The following ASB15 variants were observed in gnomAD, a reference collection of about 807,000 sequenced individuals.
The protein encoded by ASB15 is ankyrin repeat and SOCS box protein 15.
Under a neutral mutation model 58.0 loss-of-function variants are expected in ASB15, and 54 were observed. That is an observed-to-expected ratio of 0.93 (90% CI 0.75 to 1.17). ASB15 has a LOEUF of 1.17. Among genes scored for constraint, ASB15 ranks in the 50% most tolerant of loss-of-function variants. The probability of loss-of-function intolerance (pLI) is 0.00; values close to 1 mark genes in which losing one functional copy is unlikely to be tolerated. For synonymous variants in ASB15, 249 were observed against 262.4 expected, an observed-to-expected ratio of 0.95 and a Z score of 0.50; for missense variants, 680 against 707.4, an observed-to-expected ratio of 0.96 and a Z score of 0.44.
At chr7:123,569,577 G>A (rs1798851114) in intron 1 of ASB15, among the ~76,000 whole-genome samples, 1 of 152,230 alleles carries the variant, frequency 6.6e-6, no homozygotes, top group African/African-American at 2.4e-5. Flanking sequence ...CAGTGCATCT[G>A]CTGTCAGCCC....
chr7:123,580,846 T>C (rs1384429561), intron 1 of ASB15, among the ~76,000 whole-genome samples: 1 of 152,026 alleles, frequency 6.6e-6, no homozygotes, highest in Non-Finnish European at 1.5e-5. Context: ...ATAATTATTA[T>C]ACCGCAAACC....
Position 123,638,173 on chromosome 7 carries a change from T to G in ASB15, c.*1192T>G, listed in dbSNP as rs1802517550. On this transcript the variant is annotated 3_prime_UTR_variant, in exon 12 of 12. Transcript: ENST00000451215. ...CTGTCTTGCCCTGTCCCAAACACTT[T>G]CTACATACAGCATCTCAGAAGAGTC... 1 of 152,146 alleles carries G rather than the reference T, an allele frequency of 6.6e-6. No homozygotes were observed. The highest frequency in any genetic ancestry group is 1.5e-5 in the Non-Finnish European group (1 of 68,054). 9.4% of individuals were successfully genotyped at this position (152,146 alleles called of 1,614,324 possible).
At chr7:123,625,052 G>C (rs569273209) in intron 8 of ASB15, 3 of 486,588 alleles carry the variant, frequency 6.2e-6, no homozygotes, top group South Asian at 2.3e-5. Flanking sequence ...TTGCTCTCTC[G>C]AGAGACAGTT....
At chr7:123,630,198 C>A in intron 11 of ASB15, 79 bp downstream of exon 11, 1 of 1,102,366 alleles carries the variant, frequency 9.1e-7, no homozygotes, top group Non-Finnish European at 1.3e-6. Flanking sequence ...TTCTTTGATA[C>A]TTTTCCTATG....
intron 1 of ASB15, among the ~76,000 whole-genome samples, chr7:123,587,719 T>G (rs1311393902): frequency 6.6e-6 from 1 of 151,780 alleles, no homozygotes; most frequent in Non-Finnish European, 1.5e-5. Context: ...TTTCTATACC[T>G]AATTAGCTGA....
chr7:123,632,770 A>C (rs1802190390), intron 11 of ASB15, among the ~76,000 whole-genome samples: 1 of 152,204 alleles, frequency 6.6e-6, no homozygotes, highest in Non-Finnish European at 1.5e-5. Context: ...GAACATAAGA[A>C]ATACAAAAAA....
chr7:123,604,978 C>T (rs1800071398), intron 2 of ASB15, among the ~76,000 whole-genome samples: 2 of 152,034 alleles, frequency 1.3e-5, no homozygotes, highest in South Asian at 2.1e-4. Context: ...AAGGTTCAAC[C>T]GTTATATTCA....
chr7:123,590,777 T>C (rs1799514124), intron 1 of ASB15, among the ~76,000 whole-genome samples: 6 of 152,324 alleles, frequency 3.9e-5, no homozygotes, highest in Admixed American at 3.3e-4. Context: ...GTCTTGGCTA[T>C]GCGGGCTCCT....
upstream of ASB15, among the ~76,000 whole-genome samples, chr7:123,601,305 G>C (rs2116406858): frequency 6.6e-6 from 1 of 152,060 alleles, no homozygotes; most frequent in Non-Finnish European, 1.5e-5. Flanking sequence ...TCAATAACTT[G>C]ACCTAAAAAT....
At chr7:123,612,936 C>A (rs1415768631) in intron 3 of ASB15, among the ~76,000 whole-genome samples, 1 of 151,920 alleles carries the variant, frequency 6.6e-6, no homozygotes, top group African/African-American at 2.4e-5. Context: ...AATTAAAAAG[C>A]AAAATACCAT....
intron 4 of ASB15, among the ~76,000 whole-genome samples, chr7:123,615,918 C>T (rs1800776672): frequency 6.6e-6 from 1 of 152,152 alleles, no homozygotes; most frequent in African/African-American, 2.4e-5. Context: ...TTGAACCTAG[C>T]TCCTCTGAAT....
intron 1 of ASB15, among the ~76,000 whole-genome samples, chr7:123,602,641 GTTATT>G (rs1252876260): frequency 1.3e-5 from 2 of 152,088 alleles, no homozygotes; most frequent in African/African-American, 4.8e-5. Flanking sequence ...TTACACTTCA[GTTATT>G]TTATGAGAAT....
chr7:123,637,878 T>TAAAAAAAAAAAAGAAAAAA lies in ASB15; in HGVS notation c.*909_*910insGAAAAAAAAAAAAAAAAAA, dbSNP rs1802500204. 1.9e-5 allele frequency: 1 copy of TAAAAAAAAAAAAGAAAAAA among 52,468 alleles called. No homozygotes were observed. The highest frequency in any genetic ancestry group is 2.5e-4 in the Admixed American group (1 of 4,032). 3.3% of individuals were successfully genotyped at this position (52,468 alleles called of 1,614,324 possible). On this transcript the variant is annotated 3_prime_UTR_variant, in exon 12 of 12. Transcript: ENST00000451215. The stretch of plus-strand genomic sequence containing the variant: ...AAATTCAACATGTCCCCAGATGAAC[T>TAAAAAAAAAAAAGAAAAAA]AAAAAAAAAAAAAAAAAAAAAACCT...
chr7:123,587,435 G>T (rs1226727843), intron 1 of ASB15, among the ~76,000 whole-genome samples: 1 of 151,154 alleles, frequency 6.6e-6, no homozygotes, highest in Non-Finnish European at 1.5e-5. Context: ...AGTTCTAATA[G>T]TTCTTTGGTG....
At chr7:123,619,051 G>A (rs2116546735) in intron 7 of ASB15, among the ~76,000 whole-genome samples, 1 of 151,806 alleles carries the variant, frequency 6.6e-6, no homozygotes, top group Admixed American at 6.6e-5. Flanking sequence ...TTCGTGGCAG[G>A]CACCTGTAAT....
At chr7:123,625,049 C>T in intron 8 of ASB15, 1 of 493,388 alleles carries the variant, frequency 2.0e-6, no homozygotes, top group Non-Finnish European at 3.6e-6. Context: ...TGATTGCTCT[C>T]TCGAGAGACA....
rs1395995590 is a variant in ASB15 at position 123,620,551 on chromosome 7, TATA to T, written c.451+2815_451+2817del. ...ATATATATATATATATATATATATA[TATA>T]TTTTTTTTTTTTTTTTTTTTTTTTT... On this transcript the variant is annotated intron_variant, in intron 7 of 11. Transcript: ENST00000451215. Among the ~76,000 whole-genome samples the T allele has an allele frequency of 9.9e-4, 21 of 21,226 alleles. 1 individual carries two copies. Among genetic ancestry groups the T allele is most frequent in the African/African-American group, 1.4e-3 (7 of 4,936 alleles). 13.9% of individuals were successfully genotyped at this position (21,226 alleles called of 152,430 possible). A position where few individuals can be genotyped will look rare whatever the true frequency, so the allele number is the denominator to read the frequency against.
intron 1 of ASB15, among the ~76,000 whole-genome samples, chr7:123,575,901 G>T (rs1799051638): frequency 1.3e-5 from 2 of 148,842 alleles, no homozygotes; most frequent in South Asian, 4.2e-4. Context: ...GGCATGCATA[G>T]TGTGTCCTGT....
At chr7:123,584,697 T>G (rs1799329801) in intron 1 of ASB15, among the ~76,000 whole-genome samples, 1 of 151,976 alleles carries the variant, frequency 6.6e-6, no homozygotes, top group Admixed American at 6.6e-5. Context: ...GACTGTTAGC[T>G]TTCAATGTGC....
Sources: gnomAD v4.1 joint callset for allele counts (sites outside exome capture counted in the v4.1 genomes callset) on GRCh38, gnomAD v4.1.1 for gene constraint, MANE v1.5 for transcripts, NCBI Gene and HGNC (gene_info 2026-07-23, HGNC 2026-07-21) for gene names.